The following CBLN2 variants were observed in gnomAD, a reference collection of about 807,000 sequenced individuals.
CBLN2 encodes the protein cerebellin-2.
CBLN2 carries 7 observed loss-of-function variants against 15.0 expected under a neutral mutation model. The ratio of observed to expected loss-of-function variants is 0.47; its 90% CI spans 0.27 to 0.88. CBLN2 has a LOEUF of 0.88. Among genes scored for constraint, CBLN2 ranks in the 40% least tolerant of loss-of-function variants. CBLN2 has a pLI of 0.14. For missense variants in CBLN2, 242 were observed against 304.5 expected (o/e 0.79, Z 1.53); for synonymous variants, 149 against 135.2 (o/e 1.10, Z -0.71).
chr18:72,615,142 A>AT (rs2069649468), intron 1 of CBLN2, among the ~76,000 whole-genome samples: 1 of 135,016 alleles, frequency 7.4e-6, no homozygotes, highest in East Asian at 2.0e-4. Context: ...TTATATAAAT[A>AT]AATATAAATA....
chr18:72,547,735 CT>C (rs781066399), upstream of CBLN2, among the ~76,000 whole-genome samples: 5 of 151,868 alleles, frequency 3.3e-5, 1 homozygote, highest in South Asian at 1.0e-3. Context: ...GCTTTTGTAT[CT>C]GAAAAAATTT....
At chr18:72,618,538 A>C (rs887142494) in intron 1 of CBLN2, 4 of 719,570 alleles carry the variant, frequency 5.6e-6, no homozygotes, top group African/African-American at 1.7e-5. Flanking sequence ...AGCTGTCTCA[A>C]GAAAAGTTTC....
chr18:72,633,550 C>T (rs1455563577), intron 1 of CBLN2, among the ~76,000 whole-genome samples: 1 of 152,136 alleles, frequency 6.6e-6, no homozygotes, highest in Non-Finnish European at 1.5e-5. Flanking sequence ...GAAGGGCATG[C>T]ATAGGTAGAA....
chr18:72,550,522 C>T lies in CBLN2; in HGVS notation c.16-11750G>A, dbSNP rs537594403. Reference sequence around the variant, plus strand: ...CAGAGTTTATGGAGAAGATGGGCTACGGAGGCGGCGGAAAGAAAAGCACTT... The same window carrying T: ...CAGAGTTTATGGAGAAGATGGGCTATGGAGGCGGCGGAAAGAAAAGCACTT... On this transcript the variant is annotated intron_variant, in intron 1 of 2. Transcript: ENST00000581073. 4.2e-4 allele frequency among the ~76,000 whole-genome samples: 64 copies of T among 152,160 alleles called. 1 individual carries two copies. The highest frequency in any genetic ancestry group is 3.4e-3 in the Middle Eastern group (1 of 294).
chr18:72,630,554 C>A (rs2069768929), intron 1 of CBLN2, among the ~76,000 whole-genome samples: 1 of 101,206 alleles, frequency 9.9e-6, no homozygotes, highest in Admixed American at 1.1e-4. Context: ...CCCCCACACA[C>A]ACACACATGC....
chr18:72,607,211 A>G (rs2069589103), intron 1 of CBLN2, among the ~76,000 whole-genome samples: 2 of 152,144 alleles, frequency 1.3e-5, no homozygotes, highest in Admixed American at 1.3e-4. Context: ...CACTGCCAAC[A>G]CCCTGATTTT....
intron 1 of CBLN2, among the ~76,000 whole-genome samples, chr18:72,567,210 C>T (rs964158520): frequency 2.0e-5 from 3 of 152,106 alleles, no homozygotes; most frequent in Non-Finnish European, 2.9e-5. Flanking sequence ...AAACATCATA[C>T]CGTATTCCAT....
At chr18:72,604,742 G>A (rs76001318) in intron 1 of CBLN2, among the ~76,000 whole-genome samples, 12,062 of 152,264 alleles carry the variant, frequency 0.079, 500 homozygotes, top group East Asian at 0.13. Flanking sequence ...AGCATTCTCA[G>A]CCTCCTTGCC....
chr18:72,541,741 G>A, intron 3 of CBLN2, 63 bp downstream of exon 3: 4 of 1,367,850 alleles, frequency 2.9e-6, no homozygotes, highest in Non-Finnish European at 3.9e-6. Context: ...ACCCCAGCCC[G>A]CGCGCGCAGG....
chr18:72,601,497 A>G (rs1294051747), intron 1 of CBLN2, among the ~76,000 whole-genome samples: 1 of 152,170 alleles, frequency 6.6e-6, no homozygotes, highest in Non-Finnish European at 1.5e-5. Flanking sequence ...CTCCATGCAG[A>G]GGAGAAGGTT....
In CBLN2 at chr18:72,618,622, C is replaced by T. The variant is rs2069678986; in HGVS notation, c.15+19703G>A. The T allele has an allele frequency of 7.1e-5, 69 of 967,866 alleles. 1 individual carries two copies. In the South Asian group the frequency reaches 8.6e-4, roughly 12 times the overall value. 60.0% of individuals were successfully genotyped at this position (967,866 alleles called of 1,614,324 possible). On this transcript the variant is annotated intron_variant, in intron 1 of 2. Transcript: ENST00000581073. The stretch of plus-strand genomic sequence containing the variant: ...CATTAAAGAAGACACTGAAGAACAT[C>T]ACCTAAGAGATTATTTTGAACAGTC...
intron 1 of CBLN2, chr18:72,552,681 A>G (rs2069198916): frequency 6.6e-6 from 1 of 152,196 alleles, no homozygotes; most frequent in Admixed American, 6.5e-5. Context: ...GTACATAGCG[A>G]ATTGATAATA....
rs768482320 is a variant in CBLN2, at chr18:72,605,961, C to T, written c.15+32364G>A. On this transcript the variant is annotated intron_variant, in intron 1 of 2. Coordinates refer to the CBLN2 transcript ENST00000581073. ...AAATATATTTAAAGAATACCAGAGC[C>T]TCATTTCCTTTTGGTCAAGTCTCAA... Among the ~76,000 whole-genome samples, 8 of 152,306 alleles carry T rather than the reference C, an allele frequency of 5.3e-5. No individual in the cohort carries two copies. In the South Asian group the frequency reaches 1.4e-3, roughly 28 times the overall value.
chr18:72,616,918 C>T (rs1026529153), intron 1 of CBLN2, among the ~76,000 whole-genome samples: 54 of 152,226 alleles, frequency 3.5e-4, no homozygotes, highest in African/African-American at 1.3e-3. Context: ...GGTATGTATG[C>T]AATATATTCC....
intron 1 of CBLN2, among the ~76,000 whole-genome samples, chr18:72,625,816 C>A (rs71372408): frequency 0.35 from 20,614 of 58,638 alleles, 3,193 homozygotes; most frequent in Non-Finnish European, 0.44. Context: ...CTCTCTCTCT[C>A]TCTATATATA....
Position 72,538,047 on chromosome 18 carries a change from A to G in CBLN2, c.*129T>C. The G allele has an allele frequency of 1.1e-6, 1 of 897,314 alleles. No homozygotes were observed. The highest frequency in any genetic ancestry group is 2.5e-5 in the East Asian group (1 of 39,498). 55.6% of individuals were successfully genotyped at this position (897,314 alleles called of 1,614,324 possible). On this transcript the variant is annotated 3_prime_UTR_variant, in exon 5 of 5. Transcript: ENST00000269503. Reference sequence around the variant, plus strand: ...AGTACTGGAGGTTTCAAAGGAAATCATTCTTCTACTGCAACAGTCTGACGG... The same window carrying G: ...AGTACTGGAGGTTTCAAAGGAAATCGTTCTTCTACTGCAACAGTCTGACGG...
Position 72,542,419 on chromosome 18 carries a change from C to T in CBLN2, c.-166-93G>A, listed in dbSNP as rs375255640. The T allele has an allele frequency of 3.6e-5, 8 of 220,678 alleles. No individual in the cohort carries two copies. In the East Asian group the frequency reaches 5.1e-4, roughly 14 times the overall value. The allele number at this position is 220,678 out of a possible 1,614,324, so 13.7% of individuals were successfully genotyped here. A position where few individuals can be genotyped will look rare whatever the true frequency, so the allele number is the denominator to read the frequency against. ...AGCAGGTGCCTGCGGCTCGGGGGTT[C>T]TCCCCGAAGGCCACCCCCTTGGTCC... is the stretch of plus-strand genomic sequence containing the variant. On this transcript the variant is annotated intron_variant, in intron 2 of 4. Coordinates refer to ENST00000269503, the MANE Select transcript of CBLN2 (RefSeq NM_182511.4).
chr18:72,561,760 T>A (rs951099958), intron 1 of CBLN2, among the ~76,000 whole-genome samples: 5 of 152,206 alleles, frequency 3.3e-5, no homozygotes, highest in African/African-American at 1.2e-4. Flanking sequence ...ACGTATTGCT[T>A]ATTTCATGCA....
Position 72,538,649 on chromosome 18 carries a change from C to T in CBLN2, c.477+4G>A, listed in dbSNP as rs574974928. 3.0e-5 allele frequency: 49 copies of T among 1,613,452 alleles called. No individual in the cohort carries two copies. The South Asian group carries it at 5.3e-4, about 17-fold the overall frequency. On this transcript the variant is annotated splice_donor_region_variant and intron_variant, in intron 4 of 4. Transcript: ENST00000269503. ...TGAAAGGATCCAGTTTCAAATCTAC[C>T]CACCTGGATGGTTTGTCTGTTATAC...
Sources: gnomAD v4.1 joint callset for allele counts (sites outside exome capture counted in the v4.1 genomes callset) on GRCh38, gnomAD v4.1.1 for gene constraint, MANE v1.5 for transcripts, NCBI Gene and HGNC (gene_info 2026-07-23, HGNC 2026-07-21) for gene names.